The following KCND2 variants were observed in gnomAD, a reference collection of about 807,000 sequenced individuals.
KCND2 encodes the protein potassium voltage-gated channel subfamily D member 2.
In KCND2, 16 loss-of-function variants were observed where a neutral mutation model predicts 54.4. That is an observed-to-expected ratio of 0.29 (90% confidence interval 0.20 to 0.45). The LOEUF is 0.45. Among genes scored for constraint, KCND2 ranks in the 20% least tolerant of loss-of-function variants. The probability of loss-of-function intolerance (pLI) is 1.00; values close to 1 mark genes in which losing one functional copy is unlikely to be tolerated. For missense variants in KCND2, 486 were observed against 824.2 expected, an observed-to-expected ratio of 0.59 and a Z score of 5.02; for synonymous variants, 317 against 310.7, an observed-to-expected ratio of 1.02 and a Z score of -0.21.
chr7:120,443,379 TAATAATAAAG>T (rs1369340240), intron 1 of KCND2, among the ~76,000 whole-genome samples: 4 of 142,042 alleles, frequency 2.8e-5, no homozygotes, highest in African/African-American at 1.2e-4. Context: ...ATAATAATAA[TAATAATAAAG>T]TAATTGCTTT....
chr7:120,334,333 T>C (rs901239316), intron 1 of KCND2, among the ~76,000 whole-genome samples: 5 of 152,192 alleles, frequency 3.3e-5, no homozygotes, highest in African/African-American at 1.2e-4. Context: ...TCGATGATGG[T>C]TACAGGGACA....
intron 1 of KCND2, among the ~76,000 whole-genome samples, chr7:120,575,095 AATAG>A (rs1792412187): frequency 6.6e-6 from 1 of 152,158 alleles, no homozygotes; most frequent in South Asian, 2.1e-4. Context: ...AATAGTATCT[AATAG>A]ATAGATATTA....
At chr7:120,566,722 C>T (rs1365631130) in intron 1 of KCND2, among the ~76,000 whole-genome samples, 1 of 149,768 alleles carries the variant, frequency 6.7e-6, no homozygotes, top group Non-Finnish European at 1.5e-5. Context: ...ATTGGCATGA[C>T]AGAAATACAG....
At chr7:120,284,027 A>G (rs1344097988) in intron 1 of KCND2, among the ~76,000 whole-genome samples, 1 of 152,196 alleles carries the variant, frequency 6.6e-6, no homozygotes, top group African/African-American at 2.4e-5. Flanking sequence ...CCATGAATGG[A>G]TAATTGGAAA....
At chr7:120,451,329 A>G (rs1422821003) in intron 1 of KCND2, among the ~76,000 whole-genome samples, 1 of 152,212 alleles carries the variant, frequency 6.6e-6, no homozygotes. Context: ...TATATTAAGA[A>G]TAACTCTGTT....
chr7:120,404,175 C>G (rs919444937), intron 1 of KCND2, among the ~76,000 whole-genome samples: 1 of 152,094 alleles, frequency 6.6e-6, no homozygotes, highest in Non-Finnish European at 1.5e-5. Flanking sequence ...TTAACAGTAT[C>G]TGTACTTACC....
chr7:120,699,767 A>T (rs1792377847), intron 1 of KCND2, among the ~76,000 whole-genome samples: 1 of 152,246 alleles, frequency 6.6e-6, no homozygotes, highest in Non-Finnish European at 1.5e-5. Context: ...TTGACATTTG[A>T]CTTGGGTAAG....
intron 1 of KCND2, among the ~76,000 whole-genome samples, chr7:120,585,281 G>A (rs188620199): frequency 1.2e-4 from 18 of 152,122 alleles, no homozygotes; most frequent in Non-Finnish European, 1.8e-4. Context: ...AAATGTGGAC[G>A]GAAGAACAGA....
At chr7:120,561,598 ATTTTTTTT>A (rs57015988) in intron 1 of KCND2, among the ~76,000 whole-genome samples, 1 of 47,334 alleles carries the variant, frequency 2.1e-5, no homozygotes, top group East Asian at 5.6e-4. Flanking sequence ...AAGCTACCTG[ATTTTTTTT>A]TTTTTTTTTT....
intron 1 of KCND2, among the ~76,000 whole-genome samples, chr7:120,330,222 G>C (rs1039728212): frequency 6.6e-5 from 10 of 151,946 alleles, no homozygotes. Context: ...ACCTACTGTA[G>C]GTGAACGTAG....
chr7:120,521,547 A>C (rs1173292843), intron 1 of KCND2, among the ~76,000 whole-genome samples: 1 of 152,096 alleles, frequency 6.6e-6, no homozygotes, highest in Non-Finnish European at 1.5e-5. Context: ...GGTGTCGATA[A>C]ACTTGAATTT....
At chr7:120,556,041 G>A (rs552603744) in intron 1 of KCND2, among the ~76,000 whole-genome samples, 9 of 152,186 alleles carry the variant, frequency 5.9e-5, no homozygotes, top group South Asian at 4.1e-4. Flanking sequence ...TGAATCAAAC[G>A]TAAACTTGAA....
intron 1 of KCND2, among the ~76,000 whole-genome samples, chr7:120,333,216 GTT>G: frequency 6.6e-6 from 1 of 152,204 alleles, no homozygotes; most frequent in Middle Eastern, 3.4e-3. Flanking sequence ...GGGGGTTCAA[GTT>G]ATTCCTTATC....
intron 1 of KCND2, among the ~76,000 whole-genome samples, chr7:120,288,277 T>C (rs1363207535): frequency 2.0e-5 from 3 of 152,250 alleles, no homozygotes; most frequent in East Asian, 3.9e-4. Flanking sequence ...ATGAAGACAC[T>C]CTAAATCTTA....
intron 1 of KCND2, among the ~76,000 whole-genome samples, chr7:120,353,691 A>C (rs1475499175): frequency 2.0e-5 from 3 of 152,174 alleles, no homozygotes; most frequent in Non-Finnish European, 4.4e-5. Flanking sequence ...AGGAATGCTC[A>C]AACTGTGGGC....
chr7:120,638,964 C>A (rs773213099), intron 1 of KCND2, among the ~76,000 whole-genome samples: 5 of 152,088 alleles, frequency 3.3e-5, no homozygotes, highest in African/African-American at 4.8e-5. Context: ...TGCAGGTTAT[C>A]ACTTTACCAA....
chr7:120,615,748 CCTT>C (rs1247059663), intron 1 of KCND2, among the ~76,000 whole-genome samples: 5 of 152,204 alleles, frequency 3.3e-5, no homozygotes, highest in African/African-American at 7.2e-5. Context: ...CCATAAATCT[CCTT>C]CTTTACTGCT....
intron 1 of KCND2, among the ~76,000 whole-genome samples, chr7:120,282,714 C>A (rs1799284812): frequency 1.3e-5 from 2 of 152,070 alleles, no homozygotes; most frequent in African/African-American, 4.8e-5. Flanking sequence ...GGACCTAATT[C>A]TTCCGTCTTC....
At chr7:120,424,997 A>G (rs930973180) in intron 1 of KCND2, among the ~76,000 whole-genome samples, 1 of 152,246 alleles carries the variant, frequency 6.6e-6, no homozygotes, top group South Asian at 2.1e-4. Context: ...AAAGTTTACT[A>G]AAAAGGGTAA....
Sources: gnomAD v4.1 joint callset for allele counts (sites outside exome capture counted in the v4.1 genomes callset) on GRCh38, gnomAD v4.1.1 for gene constraint, MANE v1.5 for transcripts, NCBI Gene and HGNC (gene_info 2026-07-23, HGNC 2026-07-21) for gene names.